ZNF540: variants seen among roughly 807,000 people sequenced by gnomAD.
ZNF540 encodes zinc finger protein 540, also known as CTD-3064H18.6.
ZNF540 carries 3 observed loss-of-function variants against 11.8 expected under a neutral mutation model. The ratio of observed to expected loss-of-function variants is 0.25; its 90% CI spans 0.12 to 0.65. The LOEUF is 0.65. Ranked by LOEUF, ZNF540 falls within the 30% of genes least tolerant of loss-of-function variation. ZNF540 has a pLI of 0.83. For missense variants in ZNF540, 709 were observed against 793.1 expected, an observed-to-expected ratio of 0.89 and a Z score of 1.27; for synonymous variants, 247 against 259.0, an observed-to-expected ratio of 0.95 and a Z score of 0.45.
At chr19:37,609,367 C>A (rs778888005) in intron 4 of ZNF540, among the ~76,000 whole-genome samples, 15 of 151,808 alleles carry the variant, frequency 9.9e-5, no homozygotes, top group Non-Finnish European at 2.2e-4. Flanking sequence ...TATAGTGAAA[C>A]CCCGTCTCTA....
chr19:37,558,435 T>G (rs1433474042), intron 1 of ZNF540, among the ~76,000 whole-genome samples: 1 of 152,112 alleles, frequency 6.6e-6, no homozygotes, highest in Non-Finnish European at 1.5e-5. Flanking sequence ...CTGATAAGCC[T>G]CCTGGAGGTG....
chr19:37,589,178 C>T (rs1443167955), intron 1 of ZNF540, among the ~76,000 whole-genome samples: 2 of 128,546 alleles, frequency 1.6e-5, no homozygotes, highest in Non-Finnish European at 3.1e-5. Flanking sequence ...TCAGCCTGGG[C>T]GACAAGAGCC....
intron 1 of ZNF540, chr19:37,562,313 G>T (rs2147142958): frequency 6.6e-6 from 1 of 152,244 alleles, no homozygotes; most frequent in African/African-American, 2.4e-5. Context: ...ACCCAGGGGT[G>T]GAGGTTGCAA....
At chr19:37,581,086 CCAT>C (rs1343909769) in intron 1 of ZNF540, among the ~76,000 whole-genome samples, 1 of 152,114 alleles carries the variant, frequency 6.6e-6, no homozygotes, top group Non-Finnish European at 1.5e-5. Context: ...TTCTTAAAAT[CCAT>C]CACCAAAGAA....
rs1204837456 is a variant in ZNF540 at position 37,607,980 on chromosome 19, AGTGTTTTC to A, written c.233-3531_233-3524del. Among the ~76,000 whole-genome samples, 3 of 152,144 alleles carry A rather than the reference AGTGTTTTC, an allele frequency of 2.0e-5. No homozygotes were observed. In the East Asian group the frequency reaches 5.8e-4, roughly 29 times the overall value. Reference sequence around the variant, plus strand: ...ATCCTTGTCAGCCTTTGGTGTTGCCAGTGTTTTCGATTTTGGCCATTCTAACAGGTGTG... The same window carrying A: ...ATCCTTGTCAGCCTTTGGTGTTGCCAGATTTTGGCCATTCTAACAGGTGTG... On this transcript the variant is annotated intron_variant, in intron 4 of 4. Transcript: ENST00000316433.
chr19:37,558,357 T>C (rs1192415189), intron 1 of ZNF540, among the ~76,000 whole-genome samples: 1 of 152,180 alleles, frequency 6.6e-6, no homozygotes, highest in Non-Finnish European at 1.5e-5. Flanking sequence ...TGGGGCTGCC[T>C]GAGCCACAAA....
At chr19:37,557,363 G>C (rs1008903901) in intron 1 of ZNF540, among the ~76,000 whole-genome samples, 2 of 152,184 alleles carry the variant, frequency 1.3e-5, no homozygotes, top group Admixed American at 6.5e-5. Flanking sequence ...AGTAGCCTGC[G>C]CTCCTGGCAG....
chr19:37,553,612 C>T (rs888544650), intron 1 of ZNF540, among the ~76,000 whole-genome samples: 2 of 152,074 alleles, frequency 1.3e-5, no homozygotes, highest in Non-Finnish European at 2.9e-5. Flanking sequence ...TTTACTTCTA[C>T]TACTGGCTAA....
upstream of ZNF540, among the ~76,000 whole-genome samples, chr19:37,591,745 T>C (rs1325533333): frequency 1.3e-5 from 2 of 151,988 alleles, no homozygotes; most frequent in African/African-American, 4.8e-5. Context: ...GGTTTCTCCA[T>C]GTTGGTCAGG....
chr19:37,565,442 T>C lies in ZNF540; in HGVS notation c.-73+13777T>C, dbSNP rs370213109. On this transcript the variant is annotated intron_variant, in intron 1 of 4. Coordinates refer to the ZNF540 transcript ENST00000592533. ...ACATATGTAAGGCTTTTCACCAGTA[T>C]GAACTCTCTGATGGTATGTAAGGTG... 2.5e-6 allele frequency: 4 copies of C among 1,613,216 alleles called. No homozygotes were observed. In the African/African-American group the frequency reaches 5.3e-5, roughly 22 times the overall value.
intron 1 of ZNF540, chr19:37,563,999 C>CA (rs1263003745): frequency 6.6e-6 from 1 of 152,054 alleles, no homozygotes; most frequent in African/African-American, 2.4e-5. Flanking sequence ...AACAAAACAA[C>CA]AAAAAACAAC....
intron 4 of ZNF540, among the ~76,000 whole-genome samples, chr19:37,607,828 G>A (rs1265363724): frequency 6.6e-6 from 1 of 152,220 alleles, no homozygotes; most frequent in African/African-American, 2.4e-5. Context: ...AAACACCAAA[G>A]AAATGATTGC....
rs774576167 is a variant in ZNF540, at chr19:37,566,106, T to A, written c.-73+14441T>A. On this transcript the variant is annotated intron_variant, in intron 1 of 4. Transcript: ENST00000592533. ...TCTTCACAGGTAATTTTGACACACA[T>A]GTAAAGCCCTTCCTGACTTGCTTCT... The A allele has an allele frequency of 1.9e-6, 3 of 1,614,060 alleles. No homozygotes were observed. The South Asian group carries it at 3.3e-5, about 18-fold the overall frequency.
At chr19:37,556,691 T>C (rs913827844) in intron 1 of ZNF540, among the ~76,000 whole-genome samples, 6 of 152,178 alleles carry the variant, frequency 3.9e-5, no homozygotes, top group Non-Finnish European at 7.3e-5. Flanking sequence ...ATAAATTCTT[T>C]TGTGATATTT....
chr19:37,570,884 T>C (rs2082965789), intron 1 of ZNF540, among the ~76,000 whole-genome samples: 1 of 151,748 alleles, frequency 6.6e-6, no homozygotes, highest in Admixed American at 6.5e-5. Flanking sequence ...ACCAAAAGCA[T>C]ATGTAGAAGC....
At chr19:37,574,900 TA>T (rs1568349263) in intron 1 of ZNF540, among the ~76,000 whole-genome samples, 1 of 152,220 alleles carries the variant, frequency 6.6e-6, no homozygotes, top group African/African-American at 2.4e-5. Flanking sequence ...TCGGCCTTCA[TA>T]ACTATATAAT....
In ZNF540 at chr19:37,598,369, A is replaced by T; in HGVS notation, c.-72-7A>T. 2 of 1,514,390 alleles carry T rather than the reference A, an allele frequency of 1.3e-6. No homozygotes were observed. The highest frequency in any genetic ancestry group is 2.8e-5 in the African/African-American group (2 of 72,142). The allele number at this position is 1,514,390 out of a possible 1,614,324, so 93.8% of individuals were successfully genotyped here. On this transcript the variant is annotated splice_region_variant and splice_polypyrimidine_tract_variant and intron_variant, in intron 1 of 4. Transcript: ENST00000316433. ...TCACTGTCTCATTTTTTTCTCCTCT[A>T]ACTCAGGCTTCTCAGAACTTTGCTT...
At position 37,611,587 on chromosome 19, in the gene ZNF540, A is replaced by G; in HGVS notation, c.307A>G (p.Ser103Gly). 1.9e-6 allele frequency: 3 copies of G among 1,613,670 alleles called. No individual in the cohort carries two copies. Among genetic ancestry groups the G allele is most frequent in the Non-Finnish European group, 2.5e-6 (3 of 1,179,822 alleles). Residue 103 changes from serine (S) to glycine (G), a missense_variant, in exon 5 of 5, where the codon AGT becomes GGT. Transcript: ENST00000316433. ...DIHEISLSKE[S>G]IIEKSKTLRL... ...TCATGAAATCAGTTTATCCAAAGAG[A>G]GTATAATAGAAAAAAGTAAAACTCT...
intron 1 of ZNF540, chr19:37,564,707 G>GT: frequency 6.2e-7 from 1 of 1,613,614 alleles, no homozygotes; most frequent in South Asian, 1.1e-5. Context: ...TTGATGCAGA[G>GT]TAAGTTCTGA....
Sources: gnomAD v4.1 joint callset for allele counts (sites outside exome capture counted in the v4.1 genomes callset) on GRCh38, gnomAD v4.1.1 for gene constraint, MANE v1.5 for transcripts, NCBI Gene and HGNC (gene_info 2026-07-23, HGNC 2026-07-21) for gene names.